Variants in FAF1 observed in about 807,000 individuals in gnomAD.
FAF1 encodes the protein FAS-associated factor 1.
In FAF1, 25 loss-of-function variants were observed where a neutral mutation model predicts 92.5. The observed-to-expected ratio is 0.27, with a 90% CI of 0.20 to 0.38. The LOEUF is 0.38. Ranked by LOEUF, FAF1 falls within the 10% of genes least tolerant of loss-of-function variation. The pLI is 1.00. For synonymous variants in FAF1, 234 were observed against 273.2 expected, an observed-to-expected ratio of 0.86 and a Z score of 1.42; for missense variants, 636 against 793.3, an observed-to-expected ratio of 0.80 and a Z score of 2.38.
chr1:50,490,157 C>T (rs998233974), intron 17 of FAF1, among the ~76,000 whole-genome samples: 12 of 152,044 alleles, frequency 7.9e-5, no homozygotes, highest in Non-Finnish European at 1.2e-4. Context: ...GTCAGGAGTT[C>T]GAGACCAGCA....
At chr1:50,618,327 T>C (rs1015684893) in intron 8 of FAF1, among the ~76,000 whole-genome samples, 1 of 152,108 alleles carries the variant, frequency 6.6e-6, no homozygotes, top group Admixed American at 6.5e-5. Context: ...CCCAGAGATT[T>C]TGGTAATTTT....
intron 7 of FAF1, among the ~76,000 whole-genome samples, chr1:50,673,625 A>G (rs1569733172): frequency 6.6e-6 from 1 of 152,286 alleles, no homozygotes; most frequent in East Asian, 1.9e-4. Context: ...GTGATGGGTG[A>G]TAAGAGACTC....
intron 17 of FAF1, among the ~76,000 whole-genome samples, chr1:50,477,809 A>G (rs1157988917): frequency 6.6e-6 from 1 of 152,250 alleles, no homozygotes; most frequent in Non-Finnish European, 1.5e-5. Flanking sequence ...AATACAGTGC[A>G]TAGCACAAAG....
intron 4 of FAF1, chr1:50,780,967 A>G (rs1569937220): frequency 2.1e-6 from 1 of 483,770 alleles, no homozygotes; most frequent in Non-Finnish European, 4.1e-6. Context: ...GGAGGTCATC[A>G]TCTCTGCCAA....
intron 1 of FAF1, among the ~76,000 whole-genome samples, chr1:50,874,726 C>CCAT (rs1644555713): frequency 6.7e-6 from 1 of 149,854 alleles, no homozygotes; most frequent in Non-Finnish European, 1.5e-5. Flanking sequence ...ATTTAAGTCT[C>CCAT]CATCCCTTCT....
intron 8 of FAF1, among the ~76,000 whole-genome samples, chr1:50,600,623 G>A (rs1652064225): frequency 6.6e-6 from 1 of 152,034 alleles, no homozygotes; most frequent in African/African-American, 2.4e-5. Flanking sequence ...ATAATTATTT[G>A]AAAAGACTAT....
Position 50,786,379 on chromosome 1 carries a change from C to T in FAF1, c.367+1621G>A, listed in dbSNP as rs144048870. Among the ~76,000 whole-genome samples, 357 of 152,194 alleles carry T rather than the reference C, an allele frequency of 2.3e-3. 2 individuals carry two copies. The highest frequency in any genetic ancestry group is 3.2e-3 in the Non-Finnish European group (215 of 68,006). On this transcript the variant is annotated intron_variant, in intron 4 of 18. Coordinates refer to ENST00000396153, the MANE Select transcript of FAF1 (RefSeq NM_007051.3). ...ACAGCGGGCAAATACTGCATTATTCCACTTCTATGAGGTATTTATAGTCAA... is the reference window on the plus strand; with the variant it reads ...ACAGCGGGCAAATACTGCATTATTCTACTTCTATGAGGTATTTATAGTCAA...
chr1:50,726,238 A>G (rs1190467045), intron 6 of FAF1, among the ~76,000 whole-genome samples: 3 of 152,140 alleles, frequency 2.0e-5, no homozygotes, highest in Admixed American at 1.3e-4. Flanking sequence ...CCTGGGTGAC[A>G]GAGCAAGACT....
intron 7 of FAF1, among the ~76,000 whole-genome samples, chr1:50,696,802 C>G (rs1657253483): frequency 6.6e-6 from 1 of 152,074 alleles, no homozygotes; most frequent in South Asian, 2.1e-4. Context: ...CGTCCATGTT[C>G]AGTATTATTT....
At chr1:50,568,051 C>T (rs1282330832) in intron 12 of FAF1, among the ~76,000 whole-genome samples, 5 of 152,166 alleles carry the variant, frequency 3.3e-5, no homozygotes, top group Non-Finnish European at 2.9e-5. Context: ...ATAATAAAAA[C>T]AATGGCTATA....
At chr1:50,759,415 T>C (rs1207537531) in intron 4 of FAF1, among the ~76,000 whole-genome samples, 1 of 151,280 alleles carries the variant, frequency 6.6e-6, no homozygotes, top group African/African-American at 2.4e-5. Context: ...GGTTTTTTGT[T>C]CTTGTGATAG....
In FAF1 at chr1:50,847,268, T is replaced by TA. The variant is rs568318517; in HGVS notation, c.114+10660dup. Among the ~76,000 whole-genome samples the TA allele has an allele frequency of 1.6e-3, 235 of 150,300 alleles. 2 individuals carry two copies. The highest frequency in any genetic ancestry group is 6.8e-3 in the Middle Eastern group (2 of 292). ...TGATAATAAACGTGATTTTAGAAAT[T>TA]AAAAAAAAACAGACTGAGATAGGAC... On this transcript the variant is annotated intron_variant, in intron 2 of 18. Transcript: ENST00000396153.
At chr1:50,959,710 T>A in intron 1 of FAF1, 57 bp downstream of exon 1, 2 of 1,477,554 alleles carry the variant, frequency 1.4e-6, no homozygotes, top group South Asian at 1.2e-5. Flanking sequence ...GACTCCCTTG[T>A]GGCACCGGAA....
At chr1:50,761,804 C>G (rs1181790063) in intron 4 of FAF1, among the ~76,000 whole-genome samples, 4 of 152,112 alleles carry the variant, frequency 2.6e-5, no homozygotes, top group African/African-American at 9.7e-5. Context: ...TCTCTCACCG[C>G]TCCTATTCAA....
intron 4 of FAF1, among the ~76,000 whole-genome samples, chr1:50,746,292 ATTTTTTTT>A (rs1165741663): frequency 1.2e-3 from 28 of 22,652 alleles, no homozygotes; most frequent in Middle Eastern, 0.042. Context: ...ATATATATAT[ATTTTTTTT>A]TTTTTTTTTT....
intron 14 of FAF1, among the ~76,000 whole-genome samples, chr1:50,536,724 T>C (rs1179501293): frequency 6.6e-6 from 1 of 152,140 alleles, no homozygotes; most frequent in East Asian, 1.9e-4. Flanking sequence ...ACTTACAAGC[T>C]ATATAATCTA....
intron 15 of FAF1, among the ~76,000 whole-genome samples, chr1:50,503,497 T>C (rs1647017002): frequency 6.6e-6 from 1 of 151,936 alleles, no homozygotes. Context: ...AGTGTGTGTC[T>C]GTAGTCCCAG....
intron 4 of FAF1, among the ~76,000 whole-genome samples, chr1:50,784,589 A>G (rs1007521981): frequency 6.6e-6 from 1 of 152,226 alleles, no homozygotes; most frequent in Admixed American, 6.5e-5. Context: ...AAAATTTAAC[A>G]TTGTTAAAAT....
chr1:50,584,204 T>C (rs1651118335), intron 10 of FAF1, among the ~76,000 whole-genome samples: 1 of 152,262 alleles, frequency 6.6e-6, no homozygotes, highest in East Asian at 1.9e-4. Context: ...ATTTTGCACG[T>C]AGCATGTCTT....
Sources: gnomAD v4.1 joint callset for allele counts (sites outside exome capture counted in the v4.1 genomes callset) on GRCh38, gnomAD v4.1.1 for gene constraint, MANE v1.5 for transcripts, NCBI Gene and HGNC (gene_info 2026-07-23, HGNC 2026-07-21) for gene names.